Variants in DHX9 observed in about 807,000 individuals in gnomAD.
The protein encoded by DHX9 is ATP-dependent RNA helicase A.
In DHX9, 27 loss-of-function variants were observed where a neutral mutation model predicts 148.7. The ratio of observed to expected loss-of-function variants is 0.18; its 90% confidence interval spans 0.13 to 0.25. The LOEUF (loss-of-function observed/expected upper bound fraction) is 0.25. Among genes scored for constraint, DHX9 ranks in the 10% least tolerant of loss-of-function variants. DHX9 has a pLI of 1.00. For missense variants in DHX9, 796 were observed against 1,559.6 expected, an observed-to-expected ratio of 0.51 and a Z score of 8.25; for synonymous variants, 529 against 516.6, an observed-to-expected ratio of 1.02 and a Z score of -0.33.
chr1:182,842,137 C>G (rs528634619), intron 1 of DHX9, among the ~76,000 whole-genome samples: 2 of 152,230 alleles, frequency 1.3e-5, no homozygotes, highest in Admixed American at 1.3e-4. Flanking sequence ...TTCTTACTTC[C>G]TGAAAAGACA....
At chr1:182,863,183 C>T (rs1648065345) in intron 12 of DHX9, among the ~76,000 whole-genome samples, 1 of 152,122 alleles carries the variant, frequency 6.6e-6, no homozygotes, top group Non-Finnish European at 1.5e-5. Flanking sequence ...TTATTTTTAA[C>T]ATATTTAGTA....
rs376667526 is a variant in DHX9, at chr1:182,843,357, A to G, written c.175A>G (p.Ser59Gly). 1.2e-6 allele frequency: 2 copies of G among 1,611,354 alleles called. No homozygotes were observed. Among genetic ancestry groups the G allele is most frequent in the Non-Finnish European group, 1.7e-6 (2 of 1,178,896 alleles). Residue 59 changes from serine (S) to glycine (G), a missense_variant, in exon 3 of 28, where the codon AGC (serine) becomes GGC (glycine). This residue lies in a region of DHX9 where 23 missense variants were observed against 89.5 expected (regional missense o/e 0.26). Transcript: ENST00000367549. ...GNSTNKKDAQ[S>G]NAARDFVNYL... ...TTCCACCAATAAAAAAGATGCACAA[A>G]GCAATGCTGCCAGAGACTTTGTTAA...
chr1:182,878,179 A>G lies in DHX9; in HGVS notation c.2351+6A>G. On this transcript the variant is annotated splice_donor_region_variant and intron_variant, in intron 20 of 27. Transcript: ENST00000367549. ...AGCCGAGCTCGTTTTGAGAGGTAAG[A>G]CCCATTCTTGACCTTTAGTAAGGGA... 1.2e-6 allele frequency: 2 copies of G among 1,613,966 alleles called. No homozygotes were observed. Among genetic ancestry groups the G allele is most frequent in the Non-Finnish European group, 1.7e-6 (2 of 1,179,948 alleles).
intron 14 of DHX9, among the ~76,000 whole-genome samples, chr1:182,869,028 A>G (rs563714513): frequency 6.6e-5 from 10 of 152,292 alleles, no homozygotes; most frequent in African/African-American, 2.2e-4. Context: ...TAATGTAGCA[A>G]TGTTCTTAGG....
intron 21 of DHX9, among the ~76,000 whole-genome samples, 195 bp downstream of exon 21, chr1:182,879,605 A>G (rs575483511): frequency 1.3e-5 from 2 of 152,364 alleles, no homozygotes; most frequent in African/African-American, 2.4e-5. Flanking sequence ...GAAGGAAGAA[A>G]GGGACAATGT....
At chr1:182,852,424 G>T (rs1668171040) in intron 4 of DHX9, 80 bp downstream of exon 4, 2 of 1,049,172 alleles carry the variant, frequency 1.9e-6, no homozygotes, top group South Asian at 3.5e-5. Flanking sequence ...CTCGTTTTGG[G>T]TAGAAAGAAC....
Position 182,878,295 on chromosome 1 carries a change from T to A in DHX9, c.2351+122T>A. 3 of 1,130,662 alleles carry A rather than the reference T, an allele frequency of 2.7e-6. 1 individual carries two copies. In the South Asian group the frequency reaches 4.8e-5, roughly 18 times the overall value. The allele number at this position is 1,130,662 out of a possible 1,614,324, so 70.0% of individuals were successfully genotyped here. A position where few individuals can be genotyped will look rare whatever the true frequency, so the allele number is the denominator to read the frequency against. ...CTAAGTCTTGCCAGCCATGTTGGAA[T>A]CAGGTGTAAATGTTTCGTAAGAATC... On this transcript the variant is annotated intron_variant, in intron 20 of 27. Coordinates refer to ENST00000367549, the MANE Select transcript of DHX9 (RefSeq NM_001357.5).
At chr1:182,843,221 T>C in intron 2 of DHX9, 73 bp from the exon 3 acceptor site, 2 of 1,231,610 alleles carry the variant, frequency 1.6e-6, no homozygotes, top group South Asian at 2.0e-5. Flanking sequence ...CTTAATGGAC[T>C]ACTGAATTAC....
intron 21 of DHX9, among the ~76,000 whole-genome samples, chr1:182,880,269 T>C (rs1021562871): frequency 4.6e-5 from 7 of 152,198 alleles, no homozygotes; most frequent in Admixed American, 2.0e-4. Flanking sequence ...TTGTATTTGT[T>C]TTTATAACCT....
In DHX9 at chr1:182,853,155, G is replaced by A. The variant is rs1003759685; in HGVS notation, c.365-151G>A. 9 of 567,314 alleles carry A rather than the reference G, an allele frequency of 1.6e-5. No individual in the cohort carries two copies. The African/African-American group carries it at 1.7e-4, about 11-fold the overall frequency. The allele number at this position is 567,314 out of a possible 1,614,324, so 35.1% of individuals were successfully genotyped here. A position where few individuals can be genotyped will look rare whatever the true frequency, so the allele number is the denominator to read the frequency against. On this transcript the variant is annotated intron_variant, in intron 4 of 27. Transcript: ENST00000367549. ...TTGACCAGGCTGGTCTCAAACTCCT[G>A]ACCACACGTGATACCCACCTCAGCG...
chr1:182,876,467 C>G lies in DHX9; in HGVS notation c.2050C>G (p.Leu684Val). Residue 684 changes from leucine (L) to valine (V), a missense_variant, in exon 18 of 28, where the codon CTA becomes GTA. Physicochemically the swap from Leu to Val is conservative, Grantham distance 32. Transcript: ENST00000367549. ...PHFGSHRYQILPLHSQIPREE... is the reference protein window; with the variant it reads ...PHFGSHRYQIVPLHSQIPREE... ...TATAGGAAGCCATCGGTATCAGATT[C>G]TACCCCTGCATTCTCAGATTCCTCG... 1 of 1,613,550 alleles carries G rather than the reference C, an allele frequency of 6.2e-7. No individual in the cohort carries two copies. Among genetic ancestry groups the G allele is most frequent in the East Asian group, 2.2e-5 (1 of 44,860 alleles).
At chr1:182,861,705 A>G (rs1376186617) in intron 12 of DHX9, among the ~76,000 whole-genome samples, 1 of 152,208 alleles carries the variant, frequency 6.6e-6, no homozygotes, top group South Asian at 2.1e-4. Flanking sequence ...TAAAATGTTC[A>G]GTGGCATGGA....
intron 3 of DHX9, among the ~76,000 whole-genome samples, chr1:182,850,468 G>A (rs898445856): frequency 1.3e-5 from 2 of 151,954 alleles, no homozygotes; most frequent in East Asian, 3.9e-4. Flanking sequence ...GGTGGTGGCT[G>A]CCCGTAGTCC....
At chr1:182,871,208 A>G (rs1483207862) in intron 14 of DHX9, among the ~76,000 whole-genome samples, 2 of 152,222 alleles carry the variant, frequency 1.3e-5, no homozygotes, top group South Asian at 2.1e-4. Flanking sequence ...TAAGTAAACA[A>G]CTTAGTAGAA....
At chr1:182,854,307 AAC>A in intron 6 of DHX9, 129 bp downstream of exon 6, 1 of 856,652 alleles carries the variant, frequency 1.2e-6, no homozygotes, top group Admixed American at 3.2e-5. Context: ...GTTAAAAGAT[AAC>A]GTTAATTTGC....
intron 19 of DHX9, 159 bp from the exon 20 acceptor site, chr1:182,877,862 C>A: frequency 2.5e-6 from 2 of 798,156 alleles, no homozygotes; most frequent in Non-Finnish European, 3.8e-6. Context: ...TAGGAGTTTG[C>A]AGTCAGATTG....
chr1:182,842,535 G>T lies in DHX9; in HGVS notation c.-22-10G>T. 1 of 1,540,688 alleles carries T rather than the reference G, an allele frequency of 6.5e-7. No homozygotes were observed. Among genetic ancestry groups the T allele is most frequent in the Non-Finnish European group, 8.9e-7 (1 of 1,126,910 alleles). The stretch of plus-strand genomic sequence containing the variant: ...TAAATGCTGTTTTTAACTGACTTTT[G>T]TTTTCTTAGATCTGAAGAAGACACT... On this transcript the variant is annotated splice_polypyrimidine_tract_variant and intron_variant, in intron 1 of 27. Transcript: ENST00000367549.
intron 6 of DHX9, 116 bp downstream of exon 6, chr1:182,854,294 ATTG>A: frequency 2.1e-6 from 2 of 971,276 alleles, no homozygotes. Context: ...TTAGAATTGA[ATTG>A]TTAAAAGATA....
intron 2 of DHX9, among the ~76,000 whole-genome samples, chr1:182,842,899 TC>T (rs1480414028): frequency 1.3e-5 from 2 of 152,200 alleles, no homozygotes; most frequent in African/African-American, 2.4e-5. Flanking sequence ...TTCCTCAGCT[TC>T]CTCAGTACCA....
Sources: allele counts gnomAD v4.1 joint callset (sites outside exome capture counted in the v4.1 genomes callset), GRCh38; gene constraint gnomAD v4.1.1; regional missense constraint gnomAD v4.1.1; transcripts MANE v1.5; gene names NCBI Gene and HGNC (gene_info 2026-07-23, HGNC 2026-07-21).